Variants in PARD3B observed in about 807,000 individuals in gnomAD.
The protein encoded by PARD3B is partitioning defective 3 homolog B.
PARD3B carries 103 observed loss-of-function variants against 130.2 expected under a neutral mutation model. The observed-to-expected ratio is 0.79, with a 90% CI of 0.67 to 0.93. The LOEUF (loss-of-function observed/expected upper bound fraction) is 0.93. Among genes scored for constraint, PARD3B ranks in the 40% least tolerant of loss-of-function variants. The pLI, the probability that PARD3B is intolerant of heterozygous loss-of-function variation, is 0.00. For synonymous variants in PARD3B, 583 were observed against 553.2 expected, an observed-to-expected ratio of 1.05 and a Z score of -0.76; for missense variants, 1,609 against 1,499.2, an observed-to-expected ratio of 1.07 and a Z score of -1.21.
At chr2:204,717,651 G>C (rs1417924410) in intron 2 of PARD3B, among the ~76,000 whole-genome samples, 2 of 152,200 alleles carry the variant, frequency 1.3e-5, no homozygotes, top group African/African-American at 2.4e-5. Context: ...ACTGCAGTGA[G>C]AGCCACGGTC....
chr2:205,125,778 A>T lies in PARD3B; in HGVS notation c.1434+41A>T. ...CAGTCTCACTGAATTTTTAATGCCG[A>T]GCTTAATACACTCAATGAACTCATT... On this transcript the variant is annotated intron_variant, in intron 10 of 22. Coordinates refer to ENST00000406610, the MANE Select transcript of PARD3B (RefSeq NM_001302769.2). This position sits in a 1 kb window ranked among gnomAD's most constrained non-coding sequence, Gnocchi z 4.0. 6.2e-7 allele frequency: 1 copy of T among 1,608,676 alleles called. No homozygotes were observed. The highest frequency in any genetic ancestry group is 1.7e-4 in the Middle Eastern group (1 of 6,036).
chr2:204,976,483 T>A (rs1352735937), intron 3 of PARD3B, among the ~76,000 whole-genome samples: 1 of 152,072 alleles, frequency 6.6e-6, no homozygotes, highest in Non-Finnish European at 1.5e-5. Context: ...ACACAGAGAA[T>A]ACTGTCTGCC....
intron 1 of PARD3B, among the ~76,000 whole-genome samples, chr2:204,652,600 C>T (rs1449099128): frequency 3.3e-5 from 5 of 152,208 alleles, no homozygotes; most frequent in African/African-American, 1.2e-4. Context: ...CTGTTCCAAC[C>T]TCTGCCTGTT....
Position 204,750,633 on chromosome 2 carries a change from C to CAT in PARD3B, c.222+64352_222+64353insTA, listed in dbSNP as rs779652964. 2.2e-3 allele frequency among the ~76,000 whole-genome samples: 321 copies of CAT among 149,238 alleles called. 1 individual carries two copies. The highest frequency in any genetic ancestry group is 3.8e-3 in the Non-Finnish European group (261 of 67,870). Reference sequence around the variant, plus strand: ...ACATACATACATACATACATACATACACACACACATACATACATACATAAA... The same window carrying CAT: ...ACATACATACATACATACATACATACATACACACACATACATACATACATAAA... On this transcript the variant is annotated intron_variant, in intron 2 of 22. Coordinates refer to ENST00000406610, the MANE Select transcript of PARD3B (RefSeq NM_001302769.2).
chr2:204,675,633 G>C lies in PARD3B; in HGVS notation c.121-10548G>C, dbSNP rs2036499943. Among the ~76,000 whole-genome samples, 1 of 151,930 alleles carries C rather than the reference G, an allele frequency of 6.6e-6. No homozygotes were observed. Among genetic ancestry groups the C allele is most frequent in the South Asian group, 2.1e-4 (1 of 4,810 alleles). ...AATAAATTTAGATTAATCCTAAAAT[G>C]AAAAATGAACCTCTAAAGCCCTTTA... On this transcript the variant is annotated intron_variant, in intron 1 of 22. Transcript: ENST00000406610. The surrounding 1 kb of genome is among the most constrained non-coding windows in gnomAD (Gnocchi z 4.4).
intron 2 of PARD3B, among the ~76,000 whole-genome samples, chr2:204,763,325 G>C (rs926835004): frequency 2.6e-5 from 4 of 152,092 alleles, no homozygotes; most frequent in Non-Finnish European, 4.4e-5. Context: ...CTTTGTGTTT[G>C]TTCTTTTAAT....
chr2:204,878,549 A>T (rs1284205034), intron 2 of PARD3B, among the ~76,000 whole-genome samples: 1 of 152,154 alleles, frequency 6.6e-6, no homozygotes, highest in African/African-American at 2.4e-5. Flanking sequence ...AAAAAAGAGT[A>T]TAGCAAATTT....
chr2:205,467,064 G>A (rs1186899911), intron 20 of PARD3B, among the ~76,000 whole-genome samples: 1 of 152,218 alleles, frequency 6.6e-6, no homozygotes, highest in Non-Finnish European at 1.5e-5. Context: ...CTCTGATAAA[G>A]TATATCATCT....
At chr2:204,771,538 G>A (rs541137994) in intron 2 of PARD3B, among the ~76,000 whole-genome samples, 2 of 152,036 alleles carry the variant, frequency 1.3e-5, no homozygotes, top group Non-Finnish European at 2.9e-5. Context: ...GAAGGAGGGG[G>A]GCAAGGGTTG....
chr2:205,431,097 A>G (rs1193604076), intron 19 of PARD3B, among the ~76,000 whole-genome samples: 1 of 152,270 alleles, frequency 6.6e-6, no homozygotes, highest in Non-Finnish European at 1.5e-5. Flanking sequence ...ATTCATTTAG[A>G]GACAGAGCCT....
At chr2:204,789,645 T>C (rs1290150271) in intron 2 of PARD3B, among the ~76,000 whole-genome samples, 1 of 152,200 alleles carries the variant, frequency 6.6e-6, no homozygotes, top group African/African-American at 2.4e-5. Context: ...TTTTTTAAGA[T>C]GAAAATTAAA....
intron 20 of PARD3B, among the ~76,000 whole-genome samples, chr2:205,467,931 G>C (rs796602466): frequency 6.6e-6 from 1 of 152,144 alleles, no homozygotes; most frequent in Non-Finnish European, 1.5e-5. Context: ...ATCCATTCCT[G>C]CTTCAGGGAA....
intron 20 of PARD3B, among the ~76,000 whole-genome samples, chr2:205,453,281 C>T (rs1026494825): frequency 3.9e-5 from 6 of 151,968 alleles, no homozygotes; most frequent in Non-Finnish European, 7.4e-5. Context: ...TGCACAAAGG[C>T]CCACAGAGAA....
intron 2 of PARD3B, among the ~76,000 whole-genome samples, chr2:204,851,104 C>T (rs543024788): frequency 2.6e-5 from 4 of 152,224 alleles, no homozygotes; most frequent in Non-Finnish European, 2.9e-5. Flanking sequence ...TGTCGATGTT[C>T]GAAGCCATTA....
At chr2:205,518,544 T>A (rs1414655286) in intron 21 of PARD3B, among the ~76,000 whole-genome samples, 1 of 152,152 alleles carries the variant, frequency 6.6e-6, no homozygotes, top group Non-Finnish European at 1.5e-5. Context: ...CTTACCATTC[T>A]GTGCCTTTTT....
chr2:205,469,661 A>C (rs1481683214), intron 20 of PARD3B, among the ~76,000 whole-genome samples: 1 of 152,082 alleles, frequency 6.6e-6, no homozygotes, highest in Admixed American at 6.5e-5. Context: ...CTTTTTGTAA[A>C]TCTCTTCCTC....
intron 2 of PARD3B, among the ~76,000 whole-genome samples, chr2:204,821,730 A>T (rs1032372624): frequency 6.6e-6 from 1 of 152,002 alleles, no homozygotes; most frequent in Non-Finnish European, 1.5e-5. Flanking sequence ...AAAATAAAAA[A>T]AATAGAAATG....
intron 3 of PARD3B, among the ~76,000 whole-genome samples, chr2:205,019,681 G>A (rs1696449357): frequency 6.6e-6 from 1 of 152,150 alleles, no homozygotes; most frequent in African/African-American, 2.4e-5. Context: ...ATCCTAGTGG[G>A]TGTAAAGTGG....
At chr2:204,671,777 A>G (rs2036313085) in intron 1 of PARD3B, among the ~76,000 whole-genome samples, 1 of 152,182 alleles carries the variant, frequency 6.6e-6, no homozygotes, top group Non-Finnish European at 1.5e-5. Flanking sequence ...GCAGTTTTCA[A>G]AACAATAAAG....
Sources: allele counts gnomAD v4.1 joint callset (sites outside exome capture counted in the v4.1 genomes callset), GRCh38; gene constraint gnomAD v4.1.1; non-coding constraint Gnocchi (gnomAD v3.1); transcripts MANE v1.5; gene names NCBI Gene and HGNC (gene_info 2026-07-23, HGNC 2026-07-21).